EHF: variants seen among roughly 807,000 people sequenced by gnomAD.
The protein encoded by EHF is ETS homologous factor, also known as ESE3 transcription factor.
A neutral mutation model predicts 45.1 loss-of-function variants in EHF; 14 were observed. The ratio of observed to expected loss-of-function variants is 0.31; its 90% CI spans 0.21 to 0.49. EHF has a LOEUF of 0.49. Ranked by LOEUF, EHF falls within the 20% of genes least tolerant of loss-of-function variation. The pLI is 0.99. For synonymous variants in EHF, 136 were observed against 131.8 expected (o/e 1.03, Z -0.22); for missense variants, 282 against 371.4 (o/e 0.76, Z 1.98).
rs996498697 is a variant in EHF at position 34,629,649 on chromosome 11, G to A, written c.-4+8421G>A. On this transcript the variant is annotated intron_variant, in intron 1 of 8. Coordinates refer to ENST00000257831, the MANE Select transcript of EHF (RefSeq NM_012153.6). Reference sequence around the variant, plus strand: ...CAAAATTCAAAACAGGGATGTGGACGTAGTGATGGTGGAAGAGGGGAAGAC... The same window carrying A: ...CAAAATTCAAAACAGGGATGTGGACATAGTGATGGTGGAAGAGGGGAAGAC... Among the ~76,000 whole-genome samples the A allele has an allele frequency of 5.3e-5, 8 of 152,200 alleles. No homozygotes were observed. In the South Asian group the frequency reaches 8.3e-4, roughly 16 times the overall value.
In EHF at chr11:34,649,415, T is replaced by A. The variant is rs1590516250; in HGVS notation, c.406+334T>A. Among the ~76,000 whole-genome samples, 3 of 151,652 alleles carry A rather than the reference T, an allele frequency of 2.0e-5. No individual in the cohort carries two copies. In the South Asian group the frequency reaches 6.3e-4, roughly 32 times the overall value. On this transcript the variant is annotated intron_variant, in intron 4 of 8. Transcript: ENST00000257831. ...CCCACCTTAAAAAGTGTCAGGGGAG[T>A]GGCCAAGTTTGGAAAGAGAAGAGGA...
intron 1 of EHF, among the ~76,000 whole-genome samples, chr11:34,638,260 G>T (rs7936502): frequency 0.59 from 89,800 of 152,050 alleles, 26,806 homozygotes; most frequent in Non-Finnish European, 0.63. Flanking sequence ...TGTGCAGTTT[G>T]TAATAGCTCA....
At chr11:34,627,136 GT>G (rs1852447967) in intron 1 of EHF, among the ~76,000 whole-genome samples, 1 of 151,840 alleles carries the variant, frequency 6.6e-6, no homozygotes. Flanking sequence ...GTGTGTGTGT[GT>G]GTGTGTGGCG....
chr11:34,635,066 G>C (rs1853256003), intron 1 of EHF, among the ~76,000 whole-genome samples: 1 of 152,174 alleles, frequency 6.6e-6, no homozygotes, highest in South Asian at 2.1e-4. Context: ...TGTGAGCATT[G>C]ATTGAGATAA....
chr11:34,642,780 C>T, intron 2 of EHF, 53 bp downstream of exon 2: 1 of 1,293,386 alleles, frequency 7.7e-7, no homozygotes, highest in Non-Finnish European at 1.1e-6. Flanking sequence ...GGGCTCTTTG[C>T]TTTAATTCCT....
In EHF at chr11:34,650,501, G is replaced by A. The variant is rs143924212; in HGVS notation, c.407-1041G>A. ...CACGAGGACTTAGCCAGTAAGTCAGGTTTTGTATCATTTGTGCTATAAAAA... is the reference window on the plus strand; with the variant it reads ...CACGAGGACTTAGCCAGTAAGTCAGATTTTGTATCATTTGTGCTATAAAAA... On this transcript the variant is annotated intron_variant, in intron 4 of 8. Transcript: ENST00000257831. 5.1e-3 allele frequency among the ~76,000 whole-genome samples: 776 copies of A among 152,304 alleles called. 3 individuals are homozygous for A. Among genetic ancestry groups the A allele is most frequent in the Admixed American group, 0.015 (228 of 15,298 alleles).
At chr11:34,646,723 G>A in intron 3 of EHF, 39 bp downstream of exon 3, 2 of 1,600,040 alleles carry the variant, frequency 1.2e-6, no homozygotes, top group Non-Finnish European at 1.7e-6. Context: ...ACCCTGCTAG[G>A]AGCCAGCTGG....
At chr11:34,631,187 A>T (rs1852858447) in intron 1 of EHF, among the ~76,000 whole-genome samples, 2 of 152,130 alleles carry the variant, frequency 1.3e-5, no homozygotes. Flanking sequence ...ACATGCCACC[A>T]TGCCTGGCTA....
intron 2 of EHF, among the ~76,000 whole-genome samples, 171 bp from the exon 3 acceptor site, chr11:34,646,268 C>T (rs1300135282): frequency 6.6e-6 from 1 of 152,076 alleles, no homozygotes; most frequent in Non-Finnish European, 1.5e-5. Context: ...GGGTAGGTAG[C>T]AGGCTAGGGA....
In EHF at chr11:34,623,632, C is replaced by T. The variant is rs1385546433; in HGVS notation, c.-4+2404C>T. Among the ~76,000 whole-genome samples the T allele has an allele frequency of 5.3e-5, 8 of 152,138 alleles. No homozygotes were observed. In the East Asian group the frequency reaches 1.3e-3, roughly 26 times the overall value. On this transcript the variant is annotated intron_variant, in intron 1 of 8. Coordinates refer to ENST00000257831, the MANE Select transcript of EHF (RefSeq NM_012153.6). ...GGTTTACTAGGTTGCATTCAATTAG[C>T]GAATTGGAAACTGGAAGGAGCTCCT...
chr11:34,647,583 C>A (rs1220912083), intron 3 of EHF, among the ~76,000 whole-genome samples: 2 of 152,172 alleles, frequency 1.3e-5, no homozygotes, highest in African/African-American at 4.8e-5. Context: ...GGGAGTTGGC[C>A]TGTCTGCACT....
At chr11:34,656,854 A>G (rs1281354802) in intron 6 of EHF, 54 bp from the exon 7 acceptor site, 1 of 1,587,334 alleles carries the variant, frequency 6.3e-7, no homozygotes, top group Middle Eastern at 1.7e-4. Flanking sequence ...GCATGAATAA[A>G]AAAGAGAATT....
At chr11:34,640,750 G>A (rs1161033124) in intron 1 of EHF, among the ~76,000 whole-genome samples, 1 of 152,130 alleles carries the variant, frequency 6.6e-6, no homozygotes, top group Non-Finnish European at 1.5e-5. Context: ...TTCAGAAAAG[G>A]AACTTATGAT....
intron 1 of EHF, among the ~76,000 whole-genome samples, chr11:34,641,488 G>C (rs1385580567): frequency 6.6e-6 from 1 of 152,162 alleles, no homozygotes; most frequent in Non-Finnish European, 1.5e-5. Flanking sequence ...AATCCTCTGG[G>C]TTGGCAATTG....
chr11:34,656,503 C>T (rs1405230548), intron 6 of EHF, among the ~76,000 whole-genome samples: 3 of 152,122 alleles, frequency 2.0e-5, no homozygotes, highest in African/African-American at 4.8e-5. Flanking sequence ...ATCAGAACCT[C>T]AGCTCCTCCC....
chr11:34,644,785 C>A (rs761303922), intron 2 of EHF, among the ~76,000 whole-genome samples: 1 of 152,212 alleles, frequency 6.6e-6, no homozygotes. Flanking sequence ...ATTCGATAGA[C>A]CAGCAACATC....
intron 1 of EHF, chr11:34,632,801 C>A: frequency 2.1e-6 from 2 of 932,020 alleles, no homozygotes; most frequent in Non-Finnish European, 3.2e-6. Context: ...AATAGTCCAT[C>A]AGGGTAGGGC....
At chr11:34,658,266 T>C (rs546023507) in intron 7 of EHF, among the ~76,000 whole-genome samples, 22 of 152,302 alleles carry the variant, frequency 1.4e-4, no homozygotes, top group African/African-American at 4.8e-4. Flanking sequence ...CTTGGCTATG[T>C]CACTAGTTAG....
At chr11:34,651,831 G>A (rs1181594221) in intron 6 of EHF, 26 bp downstream of exon 6, 2 of 1,605,358 alleles carry the variant, frequency 1.2e-6, no homozygotes, top group East Asian at 2.2e-5. Context: ...ATCTGAGGCT[G>A]GGTATGCCTA....
Sources: gnomAD v4.1 joint callset for allele counts (sites outside exome capture counted in the v4.1 genomes callset) on GRCh38, gnomAD v4.1.1 for gene constraint, MANE v1.5 for transcripts, NCBI Gene and HGNC (gene_info 2026-07-23, HGNC 2026-07-21) for gene names.